The following COP1 variants were observed in gnomAD, a reference collection of about 807,000 sequenced individuals.
COP1 encodes E3 ubiquitin-protein ligase COP1.
A neutral mutation model predicts 101.3 loss-of-function variants in COP1; 24 were observed. The observed-to-expected ratio is 0.24, with a 90% CI of 0.17 to 0.33. The LOEUF (loss-of-function observed/expected upper bound fraction) is 0.33. Among genes scored for constraint, COP1 ranks in the 10% least tolerant of loss-of-function variants. COP1 has a pLI of 1.00. For synonymous variants in COP1, 347 were observed against 341.9 expected (o/e 1.01, Z -0.17); for missense variants, 663 against 906.2 (o/e 0.73, Z 3.45).
chr1:176,114,598 G>A (rs2149586177), intron 9 of COP1, among the ~76,000 whole-genome samples: 1 of 141,570 alleles, frequency 7.1e-6, no homozygotes, highest in East Asian at 2.4e-4. Flanking sequence ...CGGGGGGAGG[G>A]AGTGGGGGGG....
intron 18 of COP1, among the ~76,000 whole-genome samples, chr1:175,950,769 T>A (rs1367458511): frequency 1.3e-5 from 2 of 152,216 alleles, no homozygotes; most frequent in African/African-American, 4.8e-5. Context: ...ACAGAAAAAT[T>A]AGCAAGTCTT....
chr1:176,058,958 T>C (rs1674359174), intron 11 of COP1, among the ~76,000 whole-genome samples: 1 of 152,192 alleles, frequency 6.6e-6, no homozygotes, highest in Non-Finnish European at 1.5e-5. Flanking sequence ...TTTCACTCTG[T>C]CAGCCACTTC....
rs534582722 is a variant in COP1 at position 176,074,350 on chromosome 1, T to C, written c.1277+6802A>G. Reference sequence around the variant, plus strand: ...ATAAGAAAGTAAGAAAAGCAAAAAATCAACAGAGCTGTGAGAGTTTTTCAC... The same window carrying C: ...ATAAGAAAGTAAGAAAAGCAAAAAACCAACAGAGCTGTGAGAGTTTTTCAC... On this transcript the variant is annotated intron_variant, in intron 11 of 19. Transcript: ENST00000367669. Among the ~76,000 whole-genome samples, 4 of 152,228 alleles carry C rather than the reference T, an allele frequency of 2.6e-5. No individual in the cohort carries two copies. In the South Asian group the frequency reaches 6.2e-4, roughly 24 times the overall value.
At chr1:176,168,466 G>C (rs1695496908) in intron 3 of COP1, among the ~76,000 whole-genome samples, 1 of 141,716 alleles carries the variant, frequency 7.1e-6, no homozygotes, top group Non-Finnish European at 1.5e-5. Flanking sequence ...GCGAGGGAGG[G>C]AGGAAGGGAG....
chr1:176,008,583 T>G (rs1172842815), intron 15 of COP1, among the ~76,000 whole-genome samples: 1 of 152,240 alleles, frequency 6.6e-6, no homozygotes, highest in African/African-American at 2.4e-5. Context: ...TACAAATATA[T>G]AAGCCCTATA....
intron 3 of COP1, among the ~76,000 whole-genome samples, chr1:176,171,067 G>C (rs1220358149): frequency 1.4e-5 from 2 of 146,744 alleles, no homozygotes; most frequent in Admixed American, 1.4e-4. Context: ...GGAGCTTGCA[G>C]GGAGCCGAGA....
rs1245850593 is a variant in COP1, at chr1:176,176,542, G to C, written c.468-535C>G. ...TGGAAAAATAAAATACTGCCAGTAA[G>C]GCACAACGGCTCATGCCTGTAATCC... is the stretch of plus-strand genomic sequence containing the variant. On this transcript the variant is annotated intron_variant, in intron 2 of 19. Transcript: ENST00000367669. Among the ~76,000 whole-genome samples, 3 of 152,288 alleles carry C rather than the reference G, an allele frequency of 2.0e-5. No homozygotes were observed. The South Asian group carries it at 6.2e-4, about 32-fold the overall frequency.
intron 8 of COP1, among the ~76,000 whole-genome samples, chr1:176,130,679 CTG>C (rs1467563924): frequency 6.6e-6 from 1 of 151,488 alleles, no homozygotes; most frequent in Non-Finnish European, 1.5e-5. Context: ...AATTCACAAA[CTG>C]TGAAAATTAA....
At chr1:176,142,946 C>A (rs1388915842) in intron 6 of COP1, among the ~76,000 whole-genome samples, 1 of 151,386 alleles carries the variant, frequency 6.6e-6, no homozygotes, top group Non-Finnish European at 1.5e-5. Context: ...CCCAAGCCAA[C>A]AGATTAGGAA....
chr1:175,950,135 T>C (rs1649687724), intron 18 of COP1, among the ~76,000 whole-genome samples: 1 of 152,062 alleles, frequency 6.6e-6, no homozygotes, highest in Non-Finnish European at 1.5e-5. Flanking sequence ...GGCATTAATA[T>C]ATGATGTCAT....
chr1:176,020,505 C>A (rs1283472069), intron 15 of COP1, among the ~76,000 whole-genome samples: 1 of 152,024 alleles, frequency 6.6e-6, no homozygotes, highest in South Asian at 2.1e-4. Context: ...ATGGTGAAAC[C>A]CCATCTCTGC....
chr1:175,972,819 C>T (rs1004739605), intron 18 of COP1, among the ~76,000 whole-genome samples: 2 of 152,138 alleles, frequency 1.3e-5, no homozygotes, highest in African/African-American at 4.8e-5. Context: ...TTGAGAATAA[C>T]TGCACATAAG....
intron 18 of COP1, among the ~76,000 whole-genome samples, chr1:175,948,635 A>G (rs1011130149): frequency 3.9e-5 from 6 of 152,148 alleles, no homozygotes; most frequent in African/African-American, 1.4e-4. Context: ...TTTCCCTTTC[A>G]TTTCTAATAA....
chr1:175,967,291 C>A (rs568873905), intron 18 of COP1, among the ~76,000 whole-genome samples: 41 of 152,234 alleles, frequency 2.7e-4, no homozygotes, highest in African/African-American at 9.1e-4. Context: ...GGACTACTGG[C>A]GTGAGCCACC....
At chr1:175,986,464 G>A (rs1657158680) in intron 18 of COP1, among the ~76,000 whole-genome samples, 1 of 152,096 alleles carries the variant, frequency 6.6e-6, no homozygotes, top group African/African-American at 2.4e-5. Context: ...ATATATAAAT[G>A]TATTTTGTAG....
intron 6 of COP1, among the ~76,000 whole-genome samples, chr1:176,138,413 AAG>A: frequency 6.6e-6 from 1 of 152,110 alleles, no homozygotes; most frequent in Non-Finnish European, 1.5e-5. Context: ...CAAGGGTTAA[AAG>A]AGTGATTAGC....
chr1:176,164,180 C>T (rs3845368), intron 3 of COP1, among the ~76,000 whole-genome samples: 8,088 of 152,200 alleles, frequency 0.053, 467 homozygotes, highest in Middle Eastern at 0.14. Context: ...GAGAGAAATC[C>T]TCATTCACCA....
intron 1 of COP1, among the ~76,000 whole-genome samples, chr1:176,192,719 C>T (rs912022098): frequency 1.3e-5 from 2 of 152,088 alleles, no homozygotes; most frequent in Non-Finnish European, 1.5e-5. Context: ...GCTATAAAAA[C>T]AGGAATTTCT....
intron 6 of COP1, among the ~76,000 whole-genome samples, chr1:176,144,228 T>G (rs1691214658): frequency 6.6e-6 from 1 of 152,136 alleles, no homozygotes; most frequent in African/African-American, 2.4e-5. Flanking sequence ...ACAAATAAAT[T>G]AGGATTAATG....
Sources: allele counts gnomAD v4.1 joint callset (sites outside exome capture counted in the v4.1 genomes callset), GRCh38; gene constraint gnomAD v4.1.1; transcripts MANE v1.5; gene names NCBI Gene and HGNC (gene_info 2026-07-23, HGNC 2026-07-21).